The following BIRC6 variants were observed in gnomAD, a reference collection of about 807,000 sequenced individuals.
The protein encoded by BIRC6 is baculoviral IAP repeat containing 6, also known as dual E2 ubiquitin-conjugating enzyme/E3 ubiquitin-protein ligase BIRC6.
A neutral mutation model predicts 503.3 loss-of-function variants in BIRC6; 98 were observed. The observed-to-expected ratio is 0.19, with a 90% CI of 0.17 to 0.23. The LOEUF (loss-of-function observed/expected upper bound fraction) is 0.23. Among genes scored for constraint, BIRC6 ranks in the 10% least tolerant of loss-of-function variants. BIRC6 has a pLI of 1.00. For missense variants in BIRC6, 5,360 were observed against 5,806.0 expected (o/e 0.92, Z 2.50); for synonymous variants, 2,240 against 2,078.7 (o/e 1.08, Z -2.11).
chr2:32,467,882 A>G, intron 27 of BIRC6, 21 bp from the exon 28 acceptor site: 2 of 1,576,852 alleles, frequency 1.3e-6, no homozygotes, highest in Non-Finnish European at 1.7e-6. Context: ...ATATATGTAT[A>G]TTTATAATTT....
chr2:32,411,559 C>T (rs1433565432), intron 9 of BIRC6, among the ~76,000 whole-genome samples: 1 of 150,718 alleles, frequency 6.6e-6, no homozygotes, highest in East Asian at 2.0e-4. Flanking sequence ...CTCAGTGCAA[C>T]CTCTGCCTCC....
chr2:32,581,546 A>C (rs1249770480), intron 66 of BIRC6, among the ~76,000 whole-genome samples: 1 of 152,180 alleles, frequency 6.6e-6, no homozygotes, highest in Non-Finnish European at 1.5e-5. Flanking sequence ...AGTTTTTCTT[A>C]GGCTTTTAAA....
chr2:32,598,499 G>A (rs190314772), intron 69 of BIRC6, among the ~76,000 whole-genome samples: 6 of 151,864 alleles, frequency 4.0e-5, no homozygotes, highest in Admixed American at 3.9e-4. Context: ...TAACATCTGT[G>A]AATTATAGGT....
chr2:32,585,384 G>GTT (rs571780668), intron 66 of BIRC6, among the ~76,000 whole-genome samples: 3,240 of 143,188 alleles, frequency 0.023, 91 homozygotes, highest in African/African-American at 0.075. Flanking sequence ...TGGTTCTTTT[G>GTT]TTTTTTTTTT....
chr2:32,495,186 T>G (rs2052294831), intron 45 of BIRC6, among the ~76,000 whole-genome samples: 1 of 152,250 alleles, frequency 6.6e-6, no homozygotes, highest in Admixed American at 6.5e-5. Context: ...ACTTTTAATA[T>G]ATTTGCTCTA....
intron 61 of BIRC6, among the ~76,000 whole-genome samples, chr2:32,535,641 T>C (rs558704907): frequency 9.2e-5 from 14 of 152,350 alleles, no homozygotes; most frequent in African/African-American, 3.1e-4. Flanking sequence ...GAACTCATCA[T>C]TTTTTATGGC....
intron 73 of BIRC6, among the ~76,000 whole-genome samples, chr2:32,616,865 G>A (rs1485158566): frequency 6.6e-6 from 1 of 152,164 alleles, no homozygotes; most frequent in Non-Finnish European, 1.5e-5. Flanking sequence ...AGCTCTTTGG[G>A]AGGCCAAGGC....
At chr2:32,550,292 A>G (rs980398480) in intron 65 of BIRC6, among the ~76,000 whole-genome samples, 2 of 152,210 alleles carry the variant, frequency 1.3e-5, no homozygotes, top group African/African-American at 4.8e-5. Context: ...TGTGGTTGGT[A>G]GCAGCTAAGT....
At chr2:32,388,020 C>A (rs2038725336) in intron 3 of BIRC6, among the ~76,000 whole-genome samples, 1 of 152,102 alleles carries the variant, frequency 6.6e-6, no homozygotes, top group Non-Finnish European at 1.5e-5. Flanking sequence ...ATTAACATAT[C>A]TATCAACTCA....
At chr2:32,450,634 A>C (rs550126629) in intron 22 of BIRC6, among the ~76,000 whole-genome samples, 2 of 152,316 alleles carry the variant, frequency 1.3e-5, no homozygotes, top group African/African-American at 2.4e-5. Flanking sequence ...CATTGAGGAT[A>C]TCACCATATG....
Position 32,441,311 on chromosome 2 carries a change from A to G in BIRC6, c.3811-18A>G. ...TTTAGTTTATTTTTTAAAATTCATT[A>G]TTATTTGTAATGTTTAGGAAAAATC... On this transcript the variant is annotated intron_variant, in intron 16 of 73. Coordinates refer to ENST00000421745, the MANE Select transcript of BIRC6 (RefSeq NM_016252.4). The G allele has an allele frequency of 3.5e-6, 5 of 1,425,632 alleles. No individual in the cohort carries two copies. The East Asian group carries it at 1.2e-4, about 35-fold the overall frequency. 88.3% of individuals were successfully genotyped at this position (1,425,632 alleles called of 1,614,324 possible). A position where few individuals can be genotyped will look rare whatever the true frequency, so the allele number is the denominator to read the frequency against.
chr2:32,500,606 G>GTTTTTTTTTTTTTTTTTTTT (rs758919928), intron 46 of BIRC6, among the ~76,000 whole-genome samples: 1 of 118,294 alleles, frequency 8.5e-6, no homozygotes, highest in Non-Finnish European at 1.7e-5. Context: ...TTTTGTTTTT[G>GTTTTTTTTTTTTTTTTTTTT]TTTTTTTTTT....
At position 32,415,866 on chromosome 2, in the gene BIRC6, C is replaced by T; in HGVS notation, c.2575C>T (p.Leu859Phe). 3 of 1,613,942 alleles carry T rather than the reference C, an allele frequency of 1.9e-6. No homozygotes were observed. The highest frequency in any genetic ancestry group is 1.1e-5 in the South Asian group (1 of 91,084). Residue 859 changes from leucine (L) to phenylalanine (F), a missense_variant, in exon 10 of 74, where the codon CTC (leucine) becomes TTC (phenylalanine). By Grantham distance (22) the Leu-to-Phe change is conservative (BLOSUM62 0). Coordinates refer to ENST00000421745, the MANE Select transcript of BIRC6 (RefSeq NM_016252.4). Reference protein sequence around the residue: ...IKDPQDTITSLILLPPDILDN... With the variant: ...IKDPQDTITSFILLPPDILDN... ...AGATCCCCAGGACACAATTACCTCGCTCATTTTGCTTCCACCCGATATATT... is the reference window on the plus strand; with the variant it reads ...AGATCCCCAGGACACAATTACCTCGTTCATTTTGCTTCCACCCGATATATT...
At chr2:32,408,569 G>C (rs536471062) in intron 9 of BIRC6, among the ~76,000 whole-genome samples, 1 of 151,950 alleles carries the variant, frequency 6.6e-6, no homozygotes, top group East Asian at 1.9e-4. Flanking sequence ...ATTTTCCCTG[G>C]GTCTAAGGAT....
intron 16 of BIRC6, 28 bp downstream of exon 16, chr2:32,439,714 C>A: frequency 6.3e-7 from 1 of 1,592,756 alleles, no homozygotes; most frequent in Non-Finnish European, 8.6e-7. Flanking sequence ...TGAACAATAA[C>A]AATACAGTTT....
chr2:32,538,434 C>T (rs931251752), intron 61 of BIRC6, among the ~76,000 whole-genome samples: 1 of 151,660 alleles, frequency 6.6e-6, no homozygotes, highest in African/African-American at 2.4e-5. Flanking sequence ...TCCAAATGGC[C>T]CATACATTAG....
At chr2:32,431,778 C>G (rs1179759325) in intron 12 of BIRC6, among the ~76,000 whole-genome samples, 2 of 152,148 alleles carry the variant, frequency 1.3e-5, no homozygotes, top group African/African-American at 2.4e-5. Context: ...CTTATAGTCA[C>G]TAGTAATGTG....
intron 62 of BIRC6, among the ~76,000 whole-genome samples, chr2:32,544,956 T>C (rs1008619921): frequency 6.6e-6 from 1 of 152,040 alleles, no homozygotes; most frequent in African/African-American, 2.4e-5. Flanking sequence ...ATACATACGA[T>C]ATTTTGATAA....
intron 20 of BIRC6, 82 bp from the exon 21 acceptor site, chr2:32,445,439 T>C: frequency 1.5e-6 from 2 of 1,320,112 alleles, no homozygotes; most frequent in Non-Finnish European, 1.0e-6. Flanking sequence ...GGAAGTATTC[T>C]GATAAATAGG....
Sources: gnomAD v4.1 joint callset for allele counts (sites outside exome capture counted in the v4.1 genomes callset) on GRCh38, gnomAD v4.1.1 for gene constraint, MANE v1.5 for transcripts, NCBI Gene and HGNC (gene_info 2026-07-23, HGNC 2026-07-21) for gene names.